Variants in PPM1L observed in about 807,000 individuals in gnomAD.
PPM1L encodes the protein protein phosphatase 1L.
A neutral mutation model predicts 31.4 loss-of-function variants in PPM1L; 13 were observed. That is an observed-to-expected ratio of 0.41 (90% CI 0.27 to 0.66). PPM1L has a LOEUF of 0.66. Ranked by LOEUF, PPM1L falls within the 30% of genes least tolerant of loss-of-function variation. The probability of loss-of-function intolerance (pLI) is 0.29; values close to 1 mark genes in which losing one functional copy is unlikely to be tolerated. For synonymous variants in PPM1L, 184 were observed against 175.4 expected, an observed-to-expected ratio of 1.05 and a Z score of -0.39; for missense variants, 326 against 453.7, an observed-to-expected ratio of 0.72 and a Z score of 2.56.
intron 1 of PPM1L, among the ~76,000 whole-genome samples, chr3:160,870,131 TA>T (rs1712250830): frequency 1.3e-5 from 2 of 152,024 alleles, no homozygotes; most frequent in East Asian, 3.9e-4. Context: ...GGTGTGGGGG[TA>T]GGGGAGGAGG....
intron 1 of PPM1L, among the ~76,000 whole-genome samples, chr3:160,884,768 CTT>C (rs1712849872): frequency 6.6e-6 from 1 of 152,060 alleles, no homozygotes; most frequent in Non-Finnish European, 1.5e-5. Context: ...TGAGGGAAAG[CTT>C]AGTAGATGAA....
chr3:161,047,332 C>A (rs1719116372), intron 2 of PPM1L, among the ~76,000 whole-genome samples: 1 of 152,160 alleles, frequency 6.6e-6, no homozygotes, highest in African/African-American at 2.4e-5. Context: ...AACTCCCATT[C>A]ACAATTGCTT....
At chr3:160,833,773 GT>G (rs2108099210) in intron 1 of PPM1L, among the ~76,000 whole-genome samples, 1 of 151,904 alleles carries the variant, frequency 6.6e-6, no homozygotes, top group Non-Finnish European at 1.5e-5. Context: ...AAGCTATTTA[GT>G]TTAATTAGAT....
At chr3:160,849,568 C>T (rs1714195715) in intron 1 of PPM1L, among the ~76,000 whole-genome samples, 1 of 151,790 alleles carries the variant, frequency 6.6e-6, no homozygotes, top group South Asian at 2.1e-4. Flanking sequence ...CTACAGGTGC[C>T]CACCACCACG....
intron 1 of PPM1L, among the ~76,000 whole-genome samples, chr3:160,950,492 C>T (rs891851400): frequency 6.6e-6 from 1 of 152,140 alleles, no homozygotes; most frequent in African/African-American, 2.4e-5. Flanking sequence ...TAATCTAATA[C>T]AGGTTTTGAA....
chr3:160,957,577 C>CTTT (rs35644904), intron 1 of PPM1L, among the ~76,000 whole-genome samples: 2,099 of 129,168 alleles, frequency 0.016, 81 homozygotes, highest in Middle Eastern at 0.053. Context: ...TATTATTTGA[C>CTTT]TTTTTTTTTT....
At chr3:160,865,977 C>T (rs949493731) in intron 1 of PPM1L, among the ~76,000 whole-genome samples, 5 of 152,128 alleles carry the variant, frequency 3.3e-5, no homozygotes, top group Non-Finnish European at 5.9e-5. Flanking sequence ...TCAGGGAGAA[C>T]AATTGTATTT....
At chr3:160,938,272 T>C (rs1301731886) in intron 1 of PPM1L, among the ~76,000 whole-genome samples, 1 of 152,188 alleles carries the variant, frequency 6.6e-6, no homozygotes, top group East Asian at 1.9e-4. Context: ...TACTACCAAC[T>C]GATGGCTGCT....
At chr3:160,934,936 G>A (rs1166042119) in intron 1 of PPM1L, among the ~76,000 whole-genome samples, 2 of 151,858 alleles carry the variant, frequency 1.3e-5, no homozygotes, top group South Asian at 2.1e-4. Flanking sequence ...CAACAACAGA[G>A]TGACACTCTG....
intron 1 of PPM1L, among the ~76,000 whole-genome samples, chr3:160,909,739 T>C (rs564788113): frequency 6.6e-6 from 1 of 152,308 alleles, no homozygotes; most frequent in Non-Finnish European, 1.5e-5. Flanking sequence ...GAACTGCAGT[T>C]GTCATAGAAG....
intron 1 of PPM1L, among the ~76,000 whole-genome samples, chr3:160,764,084 A>C (rs1715040364): frequency 6.6e-6 from 1 of 152,104 alleles, no homozygotes; most frequent in Non-Finnish European, 1.5e-5. Context: ...ATCTACTGTT[A>C]CATTTTTGGT....
chr3:160,936,926 G>A (rs768095584), intron 1 of PPM1L, among the ~76,000 whole-genome samples: 1 of 152,150 alleles, frequency 6.6e-6, no homozygotes, highest in Non-Finnish European at 1.5e-5. Flanking sequence ...CCAATCTAGT[G>A]TGAATTTTGT....
intron 2 of PPM1L, among the ~76,000 whole-genome samples, chr3:161,055,608 T>G (rs1184080031): frequency 7.9e-5 from 12 of 152,068 alleles, no homozygotes. Context: ...CTCCTCATCC[T>G]AAAAATGTGT....
chr3:161,064,485 T>C lies in PPM1L; in HGVS notation c.575-918T>C, dbSNP rs74530990. Among the ~76,000 whole-genome samples the C allele has an allele frequency of 4.2e-3, 642 of 152,316 alleles. 3 individuals carry two copies. Among genetic ancestry groups the C allele is most frequent in the African/African-American group, 0.015 (617 of 41,562 alleles). On this transcript the variant is annotated intron_variant, in intron 2 of 3. Transcript: ENST00000498165. ...ACCTTAATGAGGAAGGAAACGTTAATGAAGACTAATTAGTGCATAATTTTA... is the reference window on the plus strand; with the variant it reads ...ACCTTAATGAGGAAGGAAACGTTAACGAAGACTAATTAGTGCATAATTTTA...
intron 1 of PPM1L, among the ~76,000 whole-genome samples, chr3:160,857,554 A>G (rs1004112770): frequency 6.6e-6 from 1 of 152,156 alleles, no homozygotes; most frequent in African/African-American, 2.4e-5. Context: ...GTTCATATGT[A>G]TAATAGTCCT....
At chr3:160,760,654 CT>C (rs1419751835) in intron 1 of PPM1L, among the ~76,000 whole-genome samples, 14 of 150,248 alleles carry the variant, frequency 9.3e-5, no homozygotes, top group African/African-American at 3.4e-4. Context: ...TGATTTTTGT[CT>C]AGGAAAATCA....
At chr3:160,963,370 A>C (rs1423312933) in intron 2 of PPM1L, among the ~76,000 whole-genome samples, 1 of 152,064 alleles carries the variant, frequency 6.6e-6, no homozygotes, top group Non-Finnish European at 1.5e-5. Context: ...TAGGTTGTTG[A>C]AGGAAAGAGA....
At chr3:160,778,169 CT>C (rs1222094458) in intron 1 of PPM1L, among the ~76,000 whole-genome samples, 1 of 151,518 alleles carries the variant, frequency 6.6e-6, no homozygotes, top group Non-Finnish European at 1.5e-5. Flanking sequence ...TGCTTGTTGG[CT>C]TTCTGTATGT....
chr3:160,935,716 T>A lies in PPM1L; in HGVS notation c.400-26020T>A, dbSNP rs111885508. Among the ~76,000 whole-genome samples, 155 of 152,350 alleles carry A rather than the reference T, an allele frequency of 1.0e-3. 1 individual carries two copies. Among genetic ancestry groups the A allele is most frequent in the African/African-American group, 3.4e-3 (140 of 41,580 alleles). On this transcript the variant is annotated intron_variant, in intron 1 of 3. Transcript: ENST00000498165. ...ATCAAAGTTCATTGAGTCAGCTAGG[T>A]CATTAACTCGTTGATATTTAATTAC...
Sources: allele counts gnomAD v4.1 joint callset (sites outside exome capture counted in the v4.1 genomes callset), GRCh38; gene constraint gnomAD v4.1.1; transcripts MANE v1.5; gene names NCBI Gene and HGNC (gene_info 2026-07-23, HGNC 2026-07-21).